The following SPMIP7 variants were observed in gnomAD, a reference collection of about 807,000 sequenced individuals.
The protein encoded by SPMIP7 is sperm microtubule inner protein 7, also known as protein SPMIP7.
the SPMIP7 span, chr7:50,141,222 GGTTTCTTCTAT>G: frequency 8.6e-7 from 1 of 1,167,882 alleles, no homozygotes; most frequent in Non-Finnish European, 1.2e-6. Context: ...ACTGTTCAAT[GGTTTCTTCTAT>G]GTTTCTTATA....
chr7:50,131,613 G>A, the SPMIP7 span, among the ~76,000 whole-genome samples: 1 of 152,140 alleles, frequency 6.6e-6, no homozygotes, highest in Non-Finnish European at 1.5e-5. Flanking sequence ...AAAAAGAGGA[G>A]AAGCCAGCAA....
At chr7:50,130,509 T>C in the SPMIP7 span, among the ~76,000 whole-genome samples, 1 of 151,854 alleles carries the variant, frequency 6.6e-6, no homozygotes, top group Non-Finnish European at 1.5e-5. Context: ...GTAAGGATTA[T>C]TACAATTCAA....
chr7:50,126,464 A>C, the SPMIP7 span, among the ~76,000 whole-genome samples: 1 of 151,972 alleles, frequency 6.6e-6, no homozygotes, highest in East Asian at 1.9e-4. Flanking sequence ...ACATTCTAGG[A>C]AACAACCACC....
chr7:50,151,536 C>T, the SPMIP7 span: 3 of 1,551,118 alleles, frequency 1.9e-6, no homozygotes, highest in Admixed American at 2.0e-5. Flanking sequence ...ACAACCCCAT[C>T]ACCAGATTCA....
the SPMIP7 span, among the ~76,000 whole-genome samples, chr7:50,143,117 G>A: frequency 6.6e-6 from 1 of 150,724 alleles, no homozygotes; most frequent in Non-Finnish European, 1.5e-5. Context: ...CTTAATCATG[G>A]CTGGGAAACA....
At chr7:50,141,282 G>A in the SPMIP7 span, 1 of 1,539,990 alleles carries the variant, frequency 6.5e-7, no homozygotes, top group Non-Finnish European at 8.8e-7. Context: ...TTCTAACAGT[G>A]GTCATGTGCA....
At chr7:50,143,395 G>C in the SPMIP7 span, among the ~76,000 whole-genome samples, 1 of 152,076 alleles carries the variant, frequency 6.6e-6, no homozygotes, top group Non-Finnish European at 1.5e-5. Context: ...TGAAACTCCT[G>C]ACCTCAAGTG....
At chr7:50,143,851 C>T in the SPMIP7 span, among the ~76,000 whole-genome samples, 1 of 152,212 alleles carries the variant, frequency 6.6e-6, no homozygotes, top group African/African-American at 2.4e-5. Flanking sequence ...GATCACACTA[C>T]ACAGAACATT....
chr7:50,145,996 A>C, the SPMIP7 span, among the ~76,000 whole-genome samples: 1 of 152,150 alleles, frequency 6.6e-6, no homozygotes, highest in Non-Finnish European at 1.5e-5. Context: ...ATGGACCCCC[A>C]GGCAGCCCCT....
the SPMIP7 span, among the ~76,000 whole-genome samples, chr7:50,157,269 G>A: frequency 1.1e-4 from 17 of 152,218 alleles, no homozygotes; most frequent in Non-Finnish European, 1.5e-5. Flanking sequence ...CATTGGGATG[G>A]AATGCAAACT....
At chr7:50,123,567 T>TAAATA in the SPMIP7 span, among the ~76,000 whole-genome samples, 212 of 146,394 alleles carry the variant, frequency 1.4e-3, no homozygotes, top group Middle Eastern at 7.1e-3. Context: ...TAAAGTATAA[T>TAAATA]AATAAATAAA....
the SPMIP7 span, among the ~76,000 whole-genome samples, chr7:50,101,283 C>T: frequency 6.6e-6 from 1 of 152,218 alleles, no homozygotes; most frequent in African/African-American, 2.4e-5. Flanking sequence ...ATCTCAGTCA[C>T]TATCCTGTGA....
the SPMIP7 span, among the ~76,000 whole-genome samples, chr7:50,118,252 T>C: frequency 6.6e-6 from 1 of 152,208 alleles, no homozygotes; most frequent in Non-Finnish European, 1.5e-5. Context: ...TGGTACTTCC[T>C]GAGTCCTTGA....
chr7:50,123,567 TAATAAATAAATAAATA>T, the SPMIP7 span, among the ~76,000 whole-genome samples: 4 of 146,402 alleles, frequency 2.7e-5, no homozygotes, highest in African/African-American at 1.0e-4. Flanking sequence ...TAAAGTATAA[TAATAAATAAATAAATA>T]AATAAATAAA....
the SPMIP7 span, among the ~76,000 whole-genome samples, chr7:50,144,503 C>T: frequency 6.6e-6 from 1 of 152,094 alleles, no homozygotes; most frequent in Non-Finnish European, 1.5e-5. Context: ...GTTTATATTG[C>T]CCAAGCCCTG....
At chr7:50,116,026 G>A in the SPMIP7 span, among the ~76,000 whole-genome samples, 1 of 152,072 alleles carries the variant, frequency 6.6e-6, no homozygotes, top group Non-Finnish European at 1.5e-5. Context: ...ACAAATTGGA[G>A]GTGACTAAAC....
chr7:50,128,029 C>A, the SPMIP7 span, among the ~76,000 whole-genome samples: 1 of 151,914 alleles, frequency 6.6e-6, no homozygotes, highest in Non-Finnish European at 1.5e-5. Flanking sequence ...TTTATTGCAG[C>A]CCTATTCGCA....
At chr7:50,151,228 C>T in the SPMIP7 span, among the ~76,000 whole-genome samples, 1 of 152,122 alleles carries the variant, frequency 6.6e-6, no homozygotes, top group Admixed American at 6.5e-5. Flanking sequence ...ATTTTATCGA[C>T]CCCAGCATAG....
the SPMIP7 span, among the ~76,000 whole-genome samples, chr7:50,132,850 T>C: frequency 7.9e-5 from 12 of 152,316 alleles, no homozygotes; most frequent in South Asian, 2.3e-3. Flanking sequence ...GTGGTAGAGA[T>C]AATTTTTGTA....
Sources: allele counts gnomAD v4.1 joint callset (sites outside exome capture counted in the v4.1 genomes callset), GRCh38; gene constraint gnomAD v4.1.1; transcripts MANE v1.5; gene names NCBI Gene and HGNC (gene_info 2026-07-23, HGNC 2026-07-21).